Variants in ADGRL2 observed in about 807,000 individuals in gnomAD.
ADGRL2 encodes the protein calcium-independent alpha-latrotoxin receptor 2.
In ADGRL2, 44 loss-of-function variants were observed where a neutral mutation model predicts 157.4. The observed-to-expected ratio is 0.28, with a 90% CI of 0.22 to 0.36. The LOEUF is 0.36. ADGRL2 is among the 10% of genes least tolerant of loss of function. ADGRL2 has a pLI of 1.00. For missense variants in ADGRL2, 1,510 were observed against 1,768.9 expected (o/e 0.85, Z 2.63); for synonymous variants, 585 against 624.7 (o/e 0.94, Z 0.95).
intron 1 of ADGRL2, among the ~76,000 whole-genome samples, chr1:81,377,898 G>T (rs2076277732): frequency 6.6e-6 from 1 of 152,002 alleles, no homozygotes; most frequent in African/African-American, 2.4e-5. Context: ...ACCACGGGTG[G>T]TACCGGGCAC....
At chr1:81,952,855 C>CA in intron 9 of ADGRL2, 132 bp from the exon 10 acceptor site, 2 of 677,872 alleles carry the variant, frequency 3.0e-6, no homozygotes, top group South Asian at 3.3e-5. Flanking sequence ...AGTGCAGACT[C>CA]AGACTCCAGA....
chr1:81,581,081 T>A (rs994047586), intron 3 of ADGRL2: 1 of 152,182 alleles, frequency 6.6e-6, no homozygotes, highest in Non-Finnish European at 1.5e-5. Flanking sequence ...TTGTAAAAGA[T>A]GTGGGAAAAA....
chr1:81,600,864 C>A (rs954570503), intron 3 of ADGRL2, among the ~76,000 whole-genome samples: 1 of 152,132 alleles, frequency 6.6e-6, no homozygotes, highest in Non-Finnish European at 1.5e-5. Context: ...GGCTACCTTG[C>A]CTAAATAATG....
intron 11 of ADGRL2, among the ~76,000 whole-genome samples, chr1:81,960,321 C>A (rs972933974): frequency 6.6e-6 from 1 of 152,070 alleles, no homozygotes; most frequent in African/African-American, 2.4e-5. Flanking sequence ...CTTTCTGTTT[C>A]TTTAATTTAA....
intron 3 of ADGRL2, among the ~76,000 whole-genome samples, chr1:81,627,221 C>CAT (rs1039190299): frequency 6.6e-6 from 1 of 152,116 alleles, no homozygotes; most frequent in Admixed American, 6.5e-5. Flanking sequence ...TTAAAAGCCA[C>CAT]ATACTTAAAT....
At chr1:81,310,645 G>T (rs1030487861) in intron 1 of ADGRL2, among the ~76,000 whole-genome samples, 1 of 152,140 alleles carries the variant, frequency 6.6e-6, no homozygotes, top group African/African-American at 2.4e-5. Context: ...GAAAGCCCAA[G>T]AACCTATCTT....
chr1:81,956,717 T>C (rs537705707), intron 11 of ADGRL2, among the ~76,000 whole-genome samples: 1 of 152,206 alleles, frequency 6.6e-6, no homozygotes, highest in Admixed American at 6.5e-5. Context: ...TTGTTAATTA[T>C]TCAGTGAGGT....
chr1:81,821,371 T>A (rs568203444), intron 1 of ADGRL2, among the ~76,000 whole-genome samples: 43 of 152,258 alleles, frequency 2.8e-4, no homozygotes, highest in African/African-American at 1.0e-3. Context: ...CATTTTCTGA[T>A]ATGCAGGGAG....
At chr1:81,988,667 AAT>A (rs1663877639) in intron 23 of ADGRL2, among the ~76,000 whole-genome samples, 1 of 152,120 alleles carries the variant, frequency 6.6e-6, no homozygotes, top group South Asian at 2.1e-4. Context: ...ATCACTAACA[AAT>A]ATAATCTCTC....
chr1:81,393,148 C>G (rs2076589586), intron 1 of ADGRL2, among the ~76,000 whole-genome samples: 1 of 152,038 alleles, frequency 6.6e-6, no homozygotes, highest in East Asian at 1.9e-4. Context: ...GAAAATATAA[C>G]TAGTTCCCTA....
At chr1:81,972,387 A>G (rs1305844647) in intron 17 of ADGRL2, among the ~76,000 whole-genome samples, 1 of 152,172 alleles carries the variant, frequency 6.6e-6, no homozygotes, top group Non-Finnish European at 1.5e-5. Flanking sequence ...GCATTAACGA[A>G]TGACTATTAA....
chr1:81,429,702 C>G (rs1165652666), intron 1 of ADGRL2, among the ~76,000 whole-genome samples: 5 of 151,950 alleles, frequency 3.3e-5, no homozygotes, highest in African/African-American at 2.4e-5. Context: ...TTCTCTTGTC[C>G]ACAATAAAAG....
intron 3 of ADGRL2, among the ~76,000 whole-genome samples, chr1:81,935,961 A>T (rs1016160141): frequency 8.6e-5 from 13 of 151,920 alleles, no homozygotes; most frequent in Non-Finnish European, 1.9e-4. Context: ...TTAGTACAAC[A>T]TTCTTTTTAA....
intron 1 of ADGRL2, among the ~76,000 whole-genome samples, chr1:81,423,651 A>G (rs529869393): frequency 6.6e-6 from 1 of 152,154 alleles, no homozygotes. Context: ...TTATTTTCTT[A>G]TTTCCCTAAT....
chr1:81,504,126 C>T (rs2078916143), intron 2 of ADGRL2, among the ~76,000 whole-genome samples: 1 of 152,216 alleles, frequency 6.6e-6, no homozygotes, highest in Non-Finnish European at 1.5e-5. Flanking sequence ...AGGGCATCTG[C>T]TGATGGGAAG....
chr1:81,731,110 G>C (rs1223543191), intron 1 of ADGRL2, among the ~76,000 whole-genome samples: 20 of 152,314 alleles, frequency 1.3e-4, no homozygotes, highest in Admixed American at 1.2e-3. Context: ...ACAATAATTT[G>C]ACGTCAGGAA....
At chr1:81,626,342 G>A (rs545932416) in intron 3 of ADGRL2, among the ~76,000 whole-genome samples, 9 of 152,174 alleles carry the variant, frequency 5.9e-5, no homozygotes, top group African/African-American at 2.2e-4. Context: ...TCTCACTCCT[G>A]TCACCCAGGC....
intron 2 of ADGRL2, among the ~76,000 whole-genome samples, chr1:81,779,256 A>G (rs886262890): frequency 2.0e-5 from 3 of 152,198 alleles, no homozygotes; most frequent in African/African-American, 4.8e-5. Flanking sequence ...GGGAAGAATG[A>G]AATGTCTAAG....
intron 1 of ADGRL2, among the ~76,000 whole-genome samples, chr1:81,388,826 A>G (rs907732016): frequency 1.3e-5 from 2 of 152,150 alleles, no homozygotes; most frequent in African/African-American, 4.8e-5. Flanking sequence ...GCGATACTCA[A>G]TGCAATCCTC....
Sources: allele counts gnomAD v4.1 joint callset (sites outside exome capture counted in the v4.1 genomes callset), GRCh38; gene constraint gnomAD v4.1.1; transcripts MANE v1.5; gene names NCBI Gene and HGNC (gene_info 2026-07-23, HGNC 2026-07-21).